Variants in TG observed in about 807,000 individuals in gnomAD.
The protein encoded by TG is thyroid hormones.
TG carries 270 observed loss-of-function variants against 324.7 expected under a neutral mutation model. That is an observed-to-expected ratio of 0.83 (90% CI 0.75 to 0.92). TG has a LOEUF of 0.92. Among genes scored for constraint, TG ranks in the 40% least tolerant of loss-of-function variants. TG has a pLI of 0.00. For missense variants in TG, 3,591 were observed against 3,456.4 expected (o/e 1.04, Z -0.98); for synonymous variants, 1,401 against 1,327.0 (o/e 1.06, Z -1.21).
intron 35 of TG, among the ~76,000 whole-genome samples, chr8:132,996,074 T>C (rs568273267): frequency 6.6e-6 from 1 of 152,182 alleles, no homozygotes; most frequent in East Asian, 1.9e-4. Flanking sequence ...GTAGTCTGGA[T>C]GAAGTCCCTG....
Position 133,011,930 on chromosome 8 carries a change from C to G in TG, c.6292C>G (p.Leu2098Val), listed in dbSNP as rs1367962875. Reference sequence around the variant, plus strand: ...TCTGGACTCGTGGCAGTCCCTGGCCCTCTCTTCAGTGGTTGTTGATCCATC... The same window carrying G: ...TCTGGACTCGTGGCAGTCCCTGGCCGTCTCTTCAGTGGTTGTTGATCCATC... ...VSLDSWQSLA[L>V]SSVVVDPSIR... is the part of the protein sequence containing the mutation. Residue 2098 changes from leucine (L) to valine (V), a missense_variant, in exon 36 of 48, where the codon CTC (leucine) becomes GTC (valine). Physicochemically the swap from Leu to Val is conservative, Grantham distance 32. Coordinates refer to ENST00000220616, the MANE Select transcript of TG (RefSeq NM_003235.5). The G allele has an allele frequency of 1.9e-6, 3 of 1,614,080 alleles. No homozygotes were observed. Among genetic ancestry groups the G allele is most frequent in the Non-Finnish European group, 2.5e-6 (3 of 1,180,046 alleles).
At chr8:132,992,231 T>C (rs571379222) in intron 35 of TG, among the ~76,000 whole-genome samples, 41 of 152,248 alleles carry the variant, frequency 2.7e-4, no homozygotes, top group African/African-American at 9.1e-4. Flanking sequence ...GCTCCCTCTT[T>C]GGGAGTGTTT....
intron 29 of TG, among the ~76,000 whole-genome samples, chr8:132,965,792 A>G (rs1269499857): frequency 6.6e-6 from 1 of 152,266 alleles, no homozygotes; most frequent in Non-Finnish European, 1.5e-5. Flanking sequence ...TGGGGACTGC[A>G]AACAGTGTGG....
intron 40 of TG, among the ~76,000 whole-genome samples, chr8:133,023,339 G>A (rs1187469980): frequency 6.6e-6 from 1 of 151,994 alleles, no homozygotes; most frequent in African/African-American, 2.4e-5. Context: ...GGGTCAGCTG[G>A]GAATCCAAGG....
At chr8:132,940,295 T>C (rs1341293352) in intron 25 of TG, among the ~76,000 whole-genome samples, 1 of 152,226 alleles carries the variant, frequency 6.6e-6, no homozygotes, top group Admixed American at 6.5e-5. Flanking sequence ...ACAGTTCGCA[T>C]GTCAAGACTT....
chr8:132,899,603 C>T (rs1371978846), intron 14 of TG, among the ~76,000 whole-genome samples: 3 of 152,160 alleles, frequency 2.0e-5, no homozygotes, highest in Non-Finnish European at 4.4e-5. Flanking sequence ...AAACATGGAC[C>T]CACTTAAGCA....
chr8:133,116,790 C>A (rs1850730979), intron 45 of TG, 74 bp downstream of exon 45: 3 of 1,202,140 alleles, frequency 2.5e-6, no homozygotes, highest in Non-Finnish European at 3.7e-6. Context: ...ACATGGGACA[C>A]ACCACTTAAC....
At chr8:132,960,709 C>T (rs1248109873) in intron 27 of TG, among the ~76,000 whole-genome samples, 1 of 152,186 alleles carries the variant, frequency 6.6e-6, no homozygotes, top group African/African-American at 2.4e-5. Flanking sequence ...AGGAGGTTTA[C>T]TTTCTTCAAG....
intron 41 of TG, chr8:133,045,018 G>A (rs1839046117): frequency 1.2e-6 from 2 of 1,614,046 alleles, no homozygotes; most frequent in African/African-American, 2.7e-5. Context: ...CCAGGCACTG[G>A]AAGGTGAGCC....
intron 22 of TG, among the ~76,000 whole-genome samples, chr8:132,925,032 C>A (rs1186714284): frequency 1.3e-5 from 2 of 152,158 alleles, no homozygotes; most frequent in Non-Finnish European, 2.9e-5. Context: ...GCACATTTGA[C>A]AAGCCCAAGC....
rs372703726 is a variant in TG at position 133,042,369 on chromosome 8, G to T, written c.7239+12346G>T. 8.4e-4 allele frequency among the ~76,000 whole-genome samples: 128 copies of T among 152,152 alleles called. 7 individuals are homozygous for T. The South Asian group carries it at 0.025, about 30-fold the overall frequency. Reference sequence around the variant, plus strand: ...ATTGAAGGGTTCCTAGACCCTCAAGGTCCCCAGCCCTTGATTTTCCCAGCC... The same window carrying T: ...ATTGAAGGGTTCCTAGACCCTCAAGTTCCCCAGCCCTTGATTTTCCCAGCC... On this transcript the variant is annotated intron_variant, in intron 41 of 47. Transcript: ENST00000220616.
chr8:132,946,903 G>C (rs1424435434), intron 26 of TG, among the ~76,000 whole-genome samples: 1 of 152,140 alleles, frequency 6.6e-6, no homozygotes, highest in Non-Finnish European at 1.5e-5. Flanking sequence ...AAGCTGCATG[G>C]GTTTCTCTAC....
chr8:132,917,889 A>ATTTTTTTTTTTTTTT (rs71299038), intron 20 of TG, among the ~76,000 whole-genome samples: 3 of 138,762 alleles, frequency 2.2e-5, no homozygotes. Context: ...GGTTTTTGCA[A>ATTTTTTTTTTTTTTT]TTTTTTTTTT....
chr8:132,980,013 T>A (rs1215483376), intron 34 of TG, among the ~76,000 whole-genome samples: 1 of 152,054 alleles, frequency 6.6e-6, no homozygotes, highest in Non-Finnish European at 1.5e-5. Flanking sequence ...AAACACTTAC[T>A]AATTAAGTTT....
At chr8:132,870,259 C>G (rs1207693815) in intron 3 of TG, among the ~76,000 whole-genome samples, 1 of 151,518 alleles carries the variant, frequency 6.6e-6, no homozygotes, top group African/African-American at 2.4e-5. Flanking sequence ...TGTCATAACT[C>G]TAAAACAATG....
intron 41 of TG, among the ~76,000 whole-genome samples, chr8:133,031,750 A>T (rs1222611181): frequency 1.3e-5 from 2 of 152,082 alleles, no homozygotes; most frequent in East Asian, 3.9e-4. Context: ...ATCTCTCTCC[A>T]TCAGCCACAG....
At chr8:133,130,104 C>T (rs1379822442) in intron 45 of TG, among the ~76,000 whole-genome samples, 1 of 152,164 alleles carries the variant, frequency 6.6e-6, no homozygotes, top group African/African-American at 2.4e-5. Flanking sequence ...ATAATTGTGT[C>T]ACCATTTTAC....
At chr8:133,106,286 G>A (rs1439658128) in intron 43 of TG, 1 of 452,404 alleles carries the variant, frequency 2.2e-6, no homozygotes, top group African/African-American at 2.1e-5. Context: ...TTTGCAGCAG[G>A]AGGCAGGGCC....
Position 132,887,524 on chromosome 8 carries a change from A to G in TG, c.2152A>G (p.Ser718Gly). The G allele has an allele frequency of 6.2e-7, 1 of 1,614,206 alleles. No homozygotes were observed. Among genetic ancestry groups the G allele is most frequent in the South Asian group, 1.1e-5 (1 of 91,084 alleles). Residue 718 changes from serine (S) to glycine (G), a missense_variant, in exon 9 of 48, where the codon AGT (serine) becomes GGT (glycine). Transcript: ENST00000220616. ...AEGQAIPGTRSAIGKPKKCPT... is the reference protein window; with the variant it reads ...AEGQAIPGTRGAIGKPKKCPT... ...GGGTCAGGCCATTCCTGGAACTCGA[A>G]GTGCAATAGGGAAGCCCAAGAAATG...
Sources: allele counts gnomAD v4.1 joint callset (sites outside exome capture counted in the v4.1 genomes callset), GRCh38; gene constraint gnomAD v4.1.1; transcripts MANE v1.5; gene names NCBI Gene and HGNC (gene_info 2026-07-23, HGNC 2026-07-21).